GPX8: variants seen among roughly 807,000 people sequenced by gnomAD.
GPX8 encodes the protein protein peroxidase GPX8.
GPX8 carries 12 observed loss-of-function variants against 17.8 expected under a neutral mutation model. That is an observed-to-expected ratio of 0.67 (90% CI 0.43 to 1.09). The LOEUF is 1.09. Ranked by LOEUF, GPX8 falls within the 50% of genes least tolerant of loss-of-function variation. The pLI is 0.00. For missense variants in GPX8, 209 were observed against 235.6 expected, an observed-to-expected ratio of 0.89 and a Z score of 0.74; for synonymous variants, 86 against 88.1, an observed-to-expected ratio of 0.98 and a Z score of 0.14.
intron 1 of GPX8, 160 bp from the exon 2 acceptor site, chr5:55,160,834 G>A (rs1744005713): frequency 2.9e-6 from 2 of 696,026 alleles, no homozygotes; most frequent in Non-Finnish European, 4.6e-6. Flanking sequence ...AGGCATCTAG[G>A]TTACAGTTTT....
chr5:55,162,183 G>A (rs1744110233), intron 2 of GPX8, among the ~76,000 whole-genome samples: 1 of 151,354 alleles, frequency 6.6e-6, no homozygotes, highest in South Asian at 2.1e-4. Flanking sequence ...ATCACTTAAG[G>A]TCAGGAGTTA....
intron 1 of GPX8, 26 bp from the exon 2 acceptor site, chr5:55,160,968 G>A (rs1744016943): frequency 1.3e-6 from 2 of 1,583,750 alleles, no homozygotes; most frequent in Admixed American, 1.9e-5. Context: ...TCACTTTCCG[G>A]TTGGATTTTT....
At chr5:55,163,600 A>G (rs1744208321) in intron 2 of GPX8, among the ~76,000 whole-genome samples, 1 of 151,710 alleles carries the variant, frequency 6.6e-6, no homozygotes, top group African/African-American at 2.4e-5. Flanking sequence ...TCCACCTCCC[A>G]GGTTCAAATG....
Position 55,164,203 on chromosome 5 carries a change from G to C in GPX8, c.615G>C (p.Lys205Asn), listed in dbSNP as rs1212751185. Residue 205 changes from lysine to asparagine, a missense_variant, in exon 3 of 3, where the codon AAG becomes AAC. By Grantham distance (94) the Lys-to-Asn change is moderately conservative (BLOSUM62 0). Coordinates refer to ENST00000503787, the MANE Select transcript of GPX8 (RefSeq NM_001008397.4). ...TGGTTAGACAAGTGATCATAAAAAA[G>C]AAAGAGGATCTATGAGAATGCCATT... is the stretch of plus-strand genomic sequence containing the variant. ...AALVRQVIIK[K>N]KEDL 2 of 1,554,282 alleles carry C rather than the reference G, an allele frequency of 1.3e-6. No homozygotes were observed. Among genetic ancestry groups the C allele is most frequent in the Non-Finnish European group, 1.7e-6 (2 of 1,145,022 alleles).
At position 55,166,875 on chromosome 5, in the gene GPX8, C is replaced by T. The variant is rs1744420206; in HGVS notation, c.*2657C>T. On this transcript the variant is annotated 3_prime_UTR_variant, in exon 3 of 3. Coordinates refer to ENST00000503787, the MANE Select transcript of GPX8 (RefSeq NM_001008397.4). Reference sequence around the variant, plus strand: ...GAAACCCCCATCTCTACTAAAAATACAAAAATTAGCCGGGCACGGTGGCAC... The same window carrying T: ...GAAACCCCCATCTCTACTAAAAATATAAAAATTAGCCGGGCACGGTGGCAC... 6.6e-6 allele frequency: 1 copy of T among 152,038 alleles called. No homozygotes were observed. Among genetic ancestry groups the T allele is most frequent in the South Asian group, 2.1e-4 (1 of 4,820 alleles). The allele number at this position is 152,038 out of a possible 1,614,324, so 9.4% of individuals were successfully genotyped here.
chr5:55,164,372 A>G lies in GPX8; in HGVS notation c.*154A>G. The G allele has an allele frequency of 2.3e-6, 1 of 428,330 alleles. No homozygotes were observed. 26.5% of individuals were successfully genotyped at this position (428,330 alleles called of 1,614,324 possible). A position where few individuals can be genotyped will look rare whatever the true frequency, so the allele number is the denominator to read the frequency against. On this transcript the variant is annotated 3_prime_UTR_variant, in exon 3 of 3. Transcript: ENST00000503787. ...AGCTCATTGCAACCTCTGCCTTTTT[A>G]AACATGCTATTAAATGTGGCAATGA... is the stretch of plus-strand genomic sequence containing the variant.
chr5:55,165,124 A>G lies in GPX8; in HGVS notation c.*906A>G, dbSNP rs1335012372. On this transcript the variant is annotated 3_prime_UTR_variant, in exon 3 of 3. Transcript: ENST00000503787. ...AGATTAGCCACTTGGGAGGAATTCA[A>G]TGCTGCATCATTCTGATAGCTGAAA... 1.3e-5 allele frequency: 2 copies of G among 152,220 alleles called. No individual in the cohort carries two copies. The highest frequency in any genetic ancestry group is 2.9e-5 in the Non-Finnish European group (2 of 68,034). The allele number at this position is 152,220 out of a possible 1,614,324, so 9.4% of individuals were successfully genotyped here. A position where few individuals can be genotyped will look rare whatever the true frequency, so the allele number is the denominator to read the frequency against.
intron 1 of GPX8, 57 bp downstream of exon 1, chr5:55,160,453 C>A: frequency 7.1e-7 from 1 of 1,413,924 alleles, no homozygotes. Flanking sequence ...CTGTTTATTC[C>A]TCTTAATAAA....
rs769543463 is a variant in GPX8, at chr5:55,160,311, T to A, written c.119T>A (p.Leu40His). 1 of 1,613,966 alleles carries A rather than the reference T, an allele frequency of 6.2e-7. No individual in the cohort carries two copies. Among genetic ancestry groups the A allele is most frequent in the Non-Finnish European group, 8.5e-7 (1 of 1,179,894 alleles). ...CTATTTCTTCTACAACTAAAATTCC[T>A]CAAACCTAAAATCAACAGCTTTTAT... ...VTLFLLQLKF[L>H]KPKINSFYAF... The change falls in exon 1 of 3, where the codon CTC becomes CAC. Residue 40 changes from leucine (L) to histidine (H), a missense_variant. Physicochemically the swap from Leu to His is moderately conservative, Grantham distance 99 (BLOSUM62 -3). Transcript: ENST00000503787.
chr5:55,160,578 C>T, intron 1 of GPX8, 182 bp downstream of exon 1: 1 of 560,692 alleles, frequency 1.8e-6, no homozygotes. Flanking sequence ...ATAATAAATT[C>T]CGATTATCTC....
chr5:55,166,213 C>T lies in GPX8; in HGVS notation c.*1995C>T, dbSNP rs1312368267. On this transcript the variant is annotated 3_prime_UTR_variant, in exon 3 of 3. Transcript: ENST00000503787. ...CACCACATGGGCAGCAGAGACTCCC[C>T]ACTGCCAGATGGATGATAATGGAGC... is the stretch of plus-strand genomic sequence containing the variant. 6.6e-6 allele frequency: 1 copy of T among 152,360 alleles called. No homozygotes were observed. The highest frequency in any genetic ancestry group is 1.9e-4 in the East Asian group (1 of 5,204). The allele number at this position is 152,360 out of a possible 1,614,324, so 9.4% of individuals were successfully genotyped here. A position where few individuals can be genotyped will look rare whatever the true frequency, so the allele number is the denominator to read the frequency against.
intron 1 of GPX8, 97 bp from the exon 2 acceptor site, chr5:55,160,890 GAGGTTAT>G (rs1744009066): frequency 1.7e-6 from 2 of 1,173,242 alleles, no homozygotes; most frequent in Middle Eastern, 2.2e-4. Context: ...ACATCAATCA[GAGGTTAT>G]AGTCCCCCCC....
intron 2 of GPX8, among the ~76,000 whole-genome samples, chr5:55,163,093 A>G (rs1160587331): frequency 2.0e-5 from 3 of 152,228 alleles, no homozygotes; most frequent in Non-Finnish European, 4.4e-5. Context: ...AATCTGGCAC[A>G]TAGTAAGCAC....
intron 2 of GPX8, among the ~76,000 whole-genome samples, chr5:55,162,121 C>G (rs972996492): frequency 6.8e-6 from 1 of 147,890 alleles, no homozygotes; most frequent in Non-Finnish European, 1.5e-5. Context: ...AAAGGCCGGG[C>G]GCGGTGGCTC....
chr5:55,160,880 A>T, intron 1 of GPX8, 114 bp from the exon 2 acceptor site: 1 of 1,113,908 alleles, frequency 9.0e-7, no homozygotes, highest in Non-Finnish European at 1.2e-6. Context: ...TATGAAAAAA[A>T]CATCAATCAG....
At chr5:55,160,918 G>C (rs1210680770) in intron 1 of GPX8, 76 bp from the exon 2 acceptor site, 4 of 1,467,348 alleles carry the variant, frequency 2.7e-6, no homozygotes, top group Non-Finnish European at 1.8e-6. Context: ...AAATTGTTTA[G>C]GATTTTAACT....
chr5:55,162,170 C>CAGAT (rs1744109176), intron 2 of GPX8, among the ~76,000 whole-genome samples: 1 of 150,224 alleles, frequency 6.7e-6, no homozygotes, highest in Middle Eastern at 3.2e-3. Context: ...CCGAGGCAGG[C>CAGAT]AGATCACTTA....
chr5:55,160,857 G>A (rs1042768630), intron 1 of GPX8, 137 bp from the exon 2 acceptor site: 104 of 901,578 alleles, frequency 1.2e-4, no homozygotes, highest in Admixed American at 3.0e-4. Flanking sequence ...ATAGAACTGT[G>A]TATGTCCAAA....
In GPX8 at chr5:55,164,230, C is replaced by T. The variant is rs374800679; in HGVS notation, c.*12C>T. 10 of 1,508,014 alleles carry T rather than the reference C, an allele frequency of 6.6e-6. No homozygotes were observed. Among genetic ancestry groups the T allele is most frequent in the Admixed American group, 2.0e-5 (1 of 49,078 alleles). 93.4% of individuals were successfully genotyped at this position (1,508,014 alleles called of 1,614,324 possible). On this transcript the variant is annotated 3_prime_UTR_variant, in exon 3 of 3. Coordinates refer to ENST00000503787, the MANE Select transcript of GPX8 (RefSeq NM_001008397.4). Reference sequence around the variant, plus strand: ...AAGAGGATCTATGAGAATGCCATTGCGTTTCTAATAGAACAGAGAAATGTC... The same window carrying T: ...AAGAGGATCTATGAGAATGCCATTGTGTTTCTAATAGAACAGAGAAATGTC...
Sources: gnomAD v4.1 joint callset for allele counts (sites outside exome capture counted in the v4.1 genomes callset) on GRCh38, gnomAD v4.1.1 for gene constraint, MANE v1.5 for transcripts, NCBI Gene and HGNC (gene_info 2026-07-23, HGNC 2026-07-21) for gene names.